PCDHGA9: variants seen among roughly 807,000 people sequenced by gnomAD.
PCDHGA9 encodes protocadherin gamma-A9.
In PCDHGA9, 37 loss-of-function variants were observed where a neutral mutation model predicts 62.5. The observed-to-expected ratio is 0.59, with a 90% confidence interval of 0.46 to 0.78. The LOEUF is 0.78. PCDHGA9 is among the 30% of genes least tolerant of loss of function. PCDHGA9 has a pLI of 0.00. For missense variants in PCDHGA9, 1,138 were observed against 1,166.2 expected, an observed-to-expected ratio of 0.98 and a Z score of 0.35; for synonymous variants, 459 against 484.6, an observed-to-expected ratio of 0.95 and a Z score of 0.69.
intron 1 of PCDHGA9, chr5:141,414,397 T>C: frequency 6.2e-7 from 1 of 1,613,920 alleles, no homozygotes; most frequent in Middle Eastern, 1.6e-4. Context: ...TTATTACAGA[T>C]TGGTGATACA....
chr5:141,479,328 G>A (rs568506786), intron 1 of PCDHGA9: 1 of 152,654 alleles, frequency 6.6e-6, no homozygotes, highest in East Asian at 1.9e-4. Flanking sequence ...CAGACTCAGT[G>A]GTGTGCACCT....
At chr5:141,441,004 C>G (rs1258800474) in intron 1 of PCDHGA9, 1 of 152,066 alleles carries the variant, frequency 6.6e-6, no homozygotes, top group African/African-American at 2.4e-5. Flanking sequence ...TCTAGTTTGG[C>G]CTTGATCAAA....
In PCDHGA9 at chr5:141,491,409, G is replaced by T; in HGVS notation, c.2425-3398G>T. The T allele has an allele frequency of 6.8e-6, 11 of 1,614,118 alleles. No individual in the cohort carries two copies. Among genetic ancestry groups the T allele is most frequent in the Non-Finnish European group, 9.3e-6 (11 of 1,180,014 alleles). On this transcript the variant is annotated intron_variant, in intron 1 of 3. Coordinates refer to ENST00000573521, the MANE Select transcript of PCDHGA9 (RefSeq NM_018921.3). The surrounding 1 kb of genome is among the most constrained non-coding windows in gnomAD (Gnocchi z 6.9). ...AGTGCCTTCAGGGAAACGCAGACGG[G>T]GACGGGGGTGGAGGGCAGTGCTGCA...
rs2099404773 is a variant in PCDHGA9 at position 141,477,081 on chromosome 5, T to C, written c.2425-17726T>C. ...GACACCAAACTCCATGAGATTTACA[T>C]CCAGGCCAAAGACAAGGGCGCCAAT... On this transcript the variant is annotated intron_variant, in intron 1 of 3. Transcript: ENST00000573521. The surrounding 1 kb of genome is among the most constrained non-coding windows in gnomAD (Gnocchi z 4.9). 6.2e-7 allele frequency: 1 copy of C among 1,614,104 alleles called. No individual in the cohort carries two copies. Among genetic ancestry groups the C allele is most frequent in the Non-Finnish European group, 8.5e-7 (1 of 1,180,052 alleles).
chr5:141,476,553 A>G lies in PCDHGA9; in HGVS notation c.2425-18254A>G. On this transcript the variant is annotated intron_variant, in intron 1 of 3. Coordinates refer to ENST00000573521, the MANE Select transcript of PCDHGA9 (RefSeq NM_018921.3). The surrounding 1 kb of genome is among the most constrained non-coding windows in gnomAD (Gnocchi z 7.6). ...CAGGAAATGAAATTGGAGATTAGCG[A>G]GGCCGTGGCTCCGGGGACGCGCTTT... The G allele has an allele frequency of 1.2e-6, 2 of 1,614,226 alleles. No homozygotes were observed. The highest frequency in any genetic ancestry group is 1.7e-6 in the Non-Finnish European group (2 of 1,180,040).
intron 1 of PCDHGA9, chr5:141,442,400 C>G (rs1478739190): frequency 6.6e-6 from 1 of 152,224 alleles, no homozygotes; most frequent in Admixed American, 6.5e-5. Context: ...TCCTACGAAT[C>G]CAGGGCTGAG....
chr5:141,475,167 G>T (rs529813171), intron 1 of PCDHGA9, among the ~76,000 whole-genome samples: 1 of 152,160 alleles, frequency 6.6e-6, no homozygotes, highest in Admixed American at 6.5e-5. Flanking sequence ...CATTAGCAGT[G>T]CAACTTCTTG....
At position 141,408,464 on chromosome 5, in the gene PCDHGA9, A is replaced by G. The variant is rs764186219; in HGVS notation, c.2424+3088A>G. ...GGAGAGCGGGGACTTACTTGTGAAG[A>G]ACCGAATAGACCGTGAGCAAATATG... On this transcript the variant is annotated intron_variant, in intron 1 of 3. Coordinates refer to ENST00000573521, the MANE Select transcript of PCDHGA9 (RefSeq NM_018921.3). The G allele has an allele frequency of 3.8e-5, 61 of 1,613,880 alleles. No homozygotes were observed. Among genetic ancestry groups the G allele is most frequent in the South Asian group, 1.4e-4 (13 of 91,024 alleles).
intron 1 of PCDHGA9, among the ~76,000 whole-genome samples, chr5:141,492,206 G>T (rs1180294159): frequency 6.6e-6 from 1 of 152,204 alleles, no homozygotes; most frequent in African/African-American, 2.4e-5. Context: ...TTAGGTGTGC[G>T]CGCGGGGCTC....
At chr5:141,504,743 G>A (rs924744762) in intron 2 of PCDHGA9, among the ~76,000 whole-genome samples, 5 of 151,982 alleles carry the variant, frequency 3.3e-5, no homozygotes, top group African/African-American at 9.7e-5. Context: ...GGAAGCCATT[G>A]AATTTTAGAA....
At chr5:141,417,517 T>C (rs2096127273) in intron 1 of PCDHGA9, 1 of 255,788 alleles carries the variant, frequency 3.9e-6, no homozygotes, top group East Asian at 7.9e-5. Flanking sequence ...ATATTTTGGC[T>C]GTCAACTCGT....
Position 141,431,461 on chromosome 5 carries a change from T to C in PCDHGA9, c.2424+26085T>C, listed in dbSNP as rs1477501293. 1 of 1,613,800 alleles carries C rather than the reference T, an allele frequency of 6.2e-7. No individual in the cohort carries two copies. Among genetic ancestry groups the C allele is most frequent in the Admixed American group, 1.7e-5 (1 of 60,032 alleles). ...CGCGCATCCGCGTGATGGTTCTGGA[T>C]GCGAACGACAACGCACCAGCGTTTG... On this transcript the variant is annotated intron_variant, in intron 1 of 3. Transcript: ENST00000573521. The surrounding 1 kb of genome is among the most constrained non-coding windows in gnomAD (Gnocchi z 4.8).
At chr5:141,482,239 A>G (rs529504334) in intron 1 of PCDHGA9, among the ~76,000 whole-genome samples, 31 of 152,332 alleles carry the variant, frequency 2.0e-4, no homozygotes, top group Middle Eastern at 3.4e-3. Context: ...TGCCAATATA[A>G]GTATAGTACT....
At chr5:141,446,767 G>A (rs891355909) in intron 1 of PCDHGA9, among the ~76,000 whole-genome samples, 12 of 152,118 alleles carry the variant, frequency 7.9e-5, no homozygotes, top group Non-Finnish European at 1.2e-4. Flanking sequence ...GCGCCCAGCC[G>A]GTTACCATTC....
chr5:141,423,969 C>G, intron 1 of PCDHGA9: 1 of 1,147,718 alleles, frequency 8.7e-7, no homozygotes, highest in Non-Finnish European at 1.1e-6. Flanking sequence ...TTTCTATTAT[C>G]AGTGTATGAG....
chr5:141,419,140 G>C, intron 1 of PCDHGA9: 1 of 1,613,868 alleles, frequency 6.2e-7, no homozygotes, highest in Non-Finnish European at 8.5e-7. Flanking sequence ...CCACAGACAG[G>C]GGCAAGCCTC....
chr5:141,458,506 A>G (rs1443711702), intron 1 of PCDHGA9, among the ~76,000 whole-genome samples: 1 of 150,282 alleles, frequency 6.7e-6, no homozygotes, highest in Non-Finnish European at 1.5e-5. Flanking sequence ...ATACTGTTTG[A>G]CACTTTGTTT....
chr5:141,419,564 C>A (rs2096400387), intron 1 of PCDHGA9: 5 of 1,611,832 alleles, frequency 3.1e-6, no homozygotes, highest in Non-Finnish European at 4.2e-6. Context: ...TGCGCTGGGT[C>A]CCGACGGCTC....
In PCDHGA9 at chr5:141,415,757, T is replaced by G. The variant is rs765276447; in HGVS notation, c.2424+10381T>G. The G allele has an allele frequency of 5.6e-3, 7,497 of 1,346,942 alleles. 12 individuals are homozygous for G. The highest frequency in any genetic ancestry group is 0.012 in the East Asian group (422 of 35,004). The allele number at this position is 1,346,942 out of a possible 1,614,324, so 83.4% of individuals were successfully genotyped here. A position where few individuals can be genotyped will look rare whatever the true frequency, so the allele number is the denominator to read the frequency against. ...TTATTAAGGTTTTTTTTTTTTTTTT[T>G]TTTTTTTTTTTTTTTACTTTCTGGT... On this transcript the variant is annotated intron_variant, in intron 1 of 3. Coordinates refer to ENST00000573521, the MANE Select transcript of PCDHGA9 (RefSeq NM_018921.3).
Sources: gnomAD v4.1 joint callset for allele counts (sites outside exome capture counted in the v4.1 genomes callset) on GRCh38, gnomAD v4.1.1 for gene constraint, Gnocchi (gnomAD v3.1) non-coding constraint, MANE v1.5 for transcripts, NCBI Gene and HGNC (gene_info 2026-07-23, HGNC 2026-07-21) for gene names.